Variants in ACCS observed in about 807,000 individuals in gnomAD.
ACCS encodes 1-aminocyclopropane-1-carboxylate synthase homolog (inactive), also known as 1-aminocyclopropane-1-carboxylate synthase-like protein 1.
In ACCS, 42 loss-of-function variants were observed where a neutral mutation model predicts 59.8. The ratio of observed to expected loss-of-function variants is 0.70; its 90% CI spans 0.55 to 0.91. ACCS has a LOEUF of 0.91. Ranked by LOEUF, ACCS falls within the 40% of genes least tolerant of loss-of-function variation. ACCS has a pLI of 0.00. For missense variants in ACCS, 602 were observed against 630.4 expected (o/e 0.95, Z 0.48); for synonymous variants, 230 against 240.3 (o/e 0.96, Z 0.40).
Position 44,073,469 on chromosome 11 carries a change from G to A in ACCS, c.371G>A (p.Arg124Lys), listed in dbSNP as rs1953160352. The change falls in exon 4 of 15, where the codon AGG becomes AAG. Residue 124 changes from arginine (R) to lysine (K), a missense_variant. By Grantham distance (26) the Arg-to-Lys change is conservative. Coordinates refer to ENST00000263776, the MANE Select transcript of ACCS (RefSeq NM_032592.4). ...SWRLSQRDMQ[R>K]VEPSLLQYAD... is the part of the protein sequence containing the mutation. ...CAGCTGAGTCAGCGCGACATGCAGA[G>A]GGTGGAGCCATCCCTGCTGCAGTAT... 6.2e-7 allele frequency: 1 copy of A among 1,609,172 alleles called. No homozygotes were observed. Among genetic ancestry groups the A allele is most frequent in the East Asian group, 2.2e-5 (1 of 44,778 alleles).
At chr11:44,080,937 C>T (rs927138835) in intron 10 of ACCS, 83 bp from the exon 11 acceptor site, 2 of 1,541,260 alleles carry the variant, frequency 1.3e-6, no homozygotes, top group Non-Finnish European at 1.8e-6. Flanking sequence ...ATTCAACCAC[C>T]CATCTCTTCA....
chr11:44,074,767 TC>T (rs1953255685), intron 5 of ACCS, 86 bp downstream of exon 5: 224 of 437,942 alleles, frequency 5.1e-4, no homozygotes, highest in South Asian at 8.8e-4. Context: ...TTTCTTTCTT[TC>T]TTTCTTTTTC....
chr11:44,081,668 G>A (rs557587605), intron 12 of ACCS, among the ~76,000 whole-genome samples: 1 of 152,286 alleles, frequency 6.6e-6, no homozygotes, highest in South Asian at 2.1e-4. Flanking sequence ...AGCTGTGTGA[G>A]CACCTAAAAA....
chr11:44,072,777 A>G (rs1373593225), intron 3 of ACCS, among the ~76,000 whole-genome samples: 1 of 152,184 alleles, frequency 6.6e-6, no homozygotes, highest in African/African-American at 2.4e-5. Flanking sequence ...ACATGTGGCC[A>G]GTGGCTACCA....
chr11:44,073,222 G>A lies in ACCS; in HGVS notation c.349-225G>A, dbSNP rs1481577125. Reference sequence around the variant, plus strand: ...TAGGAGTCAAAAATTTTGGGTTTTTGTCTCAGCTCTGCCACTTGCTAGCTC... The same window carrying A: ...TAGGAGTCAAAAATTTTGGGTTTTTATCTCAGCTCTGCCACTTGCTAGCTC... On this transcript the variant is annotated intron_variant, in intron 3 of 14. Transcript: ENST00000263776. 12 of 477,800 alleles carry A rather than the reference G, an allele frequency of 2.5e-5. No individual in the cohort carries two copies. The East Asian group carries it at 4.3e-4, about 17-fold the overall frequency. The allele number at this position is 477,800 out of a possible 1,614,324, so 29.6% of individuals were successfully genotyped here.
intron 8 of ACCS, chr11:44,078,470 G>C: frequency 2.1e-6 from 1 of 487,618 alleles, no homozygotes; most frequent in South Asian, 4.4e-5. Context: ...TAACCTACTG[G>C]TATTTGGGTA....
intron 7 of ACCS, 62 bp downstream of exon 7, chr11:44,077,438 C>G (rs1439789518): frequency 1.2e-6 from 2 of 1,605,616 alleles, no homozygotes; most frequent in Non-Finnish European, 1.7e-6. Flanking sequence ...TTTCCTGGGT[C>G]TGAATTTGAG....
In ACCS at chr11:44,083,868, A is replaced by C. The variant is rs1395541623; in HGVS notation, c.*76A>C. 6.5e-7 allele frequency: 1 copy of C among 1,540,996 alleles called. No individual in the cohort carries two copies. The highest frequency in any genetic ancestry group is 8.8e-7 in the Non-Finnish European group (1 of 1,141,958). On this transcript the variant is annotated 3_prime_UTR_variant, in exon 15 of 15. Coordinates refer to ENST00000263776, the MANE Select transcript of ACCS (RefSeq NM_032592.4). ...GGCGTTCTGGGGCTGCAGAAGACTG[A>C]CTGTGGATGTGCCATTTGCCAGGAA...
At chr11:44,075,301 G>A (rs560197959) in intron 5 of ACCS, among the ~76,000 whole-genome samples, 73 of 152,292 alleles carry the variant, frequency 4.8e-4, no homozygotes, top group African/African-American at 1.7e-3. Context: ...CACACCTTCA[G>A]GCGAGACCCT....
intron 10 of ACCS, among the ~76,000 whole-genome samples, chr11:44,079,858 T>C (rs1439801549): frequency 2.6e-5 from 4 of 152,218 alleles, no homozygotes; most frequent in Admixed American, 6.5e-5. Context: ...ATCCCTTAAG[T>C]TAGGGCTGAG....
Position 44,067,842 on chromosome 11 carries a change from G to C in ACCS, c.215G>C (p.Trp72Ser). ...TCCTCTAGAGGAAGAATGATTAAAT[G>C]GTTCTGGGATTCAGCTGAGGAGGGC... Reference protein sequence around the residue: ...YLSSRGRMIKWFWDSAEEGYR... With the variant: ...YLSSRGRMIKSFWDSAEEGYR... Residue 72 changes from tryptophan (W) to serine (S), a missense_variant, in exon 2 of 15, where the codon TGG becomes TCG. Physicochemically the swap from Trp to Ser is radical, Grantham distance 177. Coordinates refer to ENST00000263776, the MANE Select transcript of ACCS (RefSeq NM_032592.4). 6.2e-7 allele frequency: 1 copy of C among 1,614,126 alleles called. No homozygotes were observed.
In ACCS at chr11:44,077,914, C is replaced by T. The variant is rs376247485; in HGVS notation, c.724C>T (p.His242Tyr). 2 of 1,613,944 alleles carry T rather than the reference C, an allele frequency of 1.2e-6. No individual in the cohort carries two copies. The highest frequency in any genetic ancestry group is 1.3e-5 in the African/African-American group (1 of 75,050). The change falls in exon 8 of 15, where the codon CAC (histidine) becomes TAC (tyrosine). Residue 242 changes from histidine (H) to tyrosine (Y), a missense_variant. His to Tyr is a moderately conservative substitution (Grantham distance 83). Transcript: ENST00000263776. ...EKLEMALREA[H>Y]SEGVKVKGLI... ...GCTGGAGATGGCCCTGAGAGAAGCTCACTCTGAGGTCTGGGGATCAAATCA... is the reference window on the plus strand; with the variant it reads ...GCTGGAGATGGCCCTGAGAGAAGCTTACTCTGAGGTCTGGGGATCAAATCA...
rs200506230 is a variant in ACCS at position 44,077,274 on chromosome 11, C to A, written c.557-5C>A. 2 of 1,613,428 alleles carry A rather than the reference C, an allele frequency of 1.2e-6. No homozygotes were observed. The highest frequency in any genetic ancestry group is 3.3e-5 in the Admixed American group (2 of 59,962). ...TGACAGGCCCTCGCCCACTCCTGCC[C>A]CCAGAGGCTTTCCTGATCCCCACCC... is the stretch of plus-strand genomic sequence containing the variant. On this transcript the variant is annotated splice_region_variant and splice_polypyrimidine_tract_variant and intron_variant, in intron 6 of 14. Transcript: ENST00000263776.
At chr11:44,078,047 T>C in intron 8 of ACCS, 125 bp downstream of exon 8, 1 of 1,229,828 alleles carries the variant, frequency 8.1e-7, no homozygotes, top group Non-Finnish European at 1.1e-6. Flanking sequence ...GACAGACAGG[T>C]AGGGTGGTAG....
At chr11:44,078,491 C>A in intron 8 of ACCS, 193 bp from the exon 9 acceptor site, 1 of 506,448 alleles carries the variant, frequency 2.0e-6, no homozygotes, top group South Asian at 4.2e-5. Context: ...TATTTTTTCT[C>A]TGGGCCTTGT....
Position 44,084,146 on chromosome 11 carries a change from T to C in ACCS, c.*354T>C, listed in dbSNP as rs1014809925. The C allele has an allele frequency of 2.3e-5, 5 of 214,784 alleles. No homozygotes were observed. Among genetic ancestry groups the C allele is most frequent in the Non-Finnish European group, 4.7e-5 (5 of 107,506 alleles). The allele number at this position is 214,784 out of a possible 1,614,324, so 13.3% of individuals were successfully genotyped here. On this transcript the variant is annotated 3_prime_UTR_variant, in exon 15 of 15. Transcript: ENST00000263776. Reference sequence around the variant, plus strand: ...TACCTTCTTTCTGATATCACCGTCATTCCTCTTTCTTTGTCACCAAGGAAA... The same window carrying C: ...TACCTTCTTTCTGATATCACCGTCACTCCTCTTTCTTTGTCACCAAGGAAA...
At chr11:44,083,043 C>G in intron 12 of ACCS, 126 bp from the exon 13 acceptor site, 1 of 1,256,440 alleles carries the variant, frequency 8.0e-7, no homozygotes, top group Non-Finnish European at 1.1e-6. Flanking sequence ...CCACAGCAGC[C>G]AGCTAGAGGA....
rs145349955 is a variant in ACCS, at chr11:44,077,863, C to G, written c.673C>G (p.Arg225Gly). Residue 225 changes from arginine to glycine, a missense_variant, in exon 8 of 15, where the codon CGC (arginine) becomes GGC (glycine). Arg to Gly is a moderately radical substitution (Grantham distance 125, BLOSUM62 -2). Coordinates refer to ENST00000263776, the MANE Select transcript of ACCS (RefSeq NM_032592.4). ...LDSEVTGLDT[R>G]PFQLTVEKLE... ...TTTCCAGGTCACTGGGCTAGACACACGCCCCTTCCAGCTCACAGTGGAGAA... is the reference window on the plus strand; with the variant it reads ...TTTCCAGGTCACTGGGCTAGACACAGGCCCCTTCCAGCTCACAGTGGAGAA... 1 of 1,613,914 alleles carries G rather than the reference C, an allele frequency of 6.2e-7. No individual in the cohort carries two copies. Among genetic ancestry groups the G allele is most frequent in the South Asian group, 1.1e-5 (1 of 91,020 alleles).
At chr11:44,079,260 C>A in intron 9 of ACCS, 1 of 455,696 alleles carries the variant, frequency 2.2e-6, no homozygotes, top group Non-Finnish European at 4.0e-6. Flanking sequence ...CGACTCGAGC[C>A]CTTGTGCATG....
Sources: allele counts gnomAD v4.1 joint callset (sites outside exome capture counted in the v4.1 genomes callset), GRCh38; gene constraint gnomAD v4.1.1; transcripts MANE v1.5; gene names NCBI Gene and HGNC (gene_info 2026-07-23, HGNC 2026-07-21).